The following IRAK2 variants were observed in gnomAD, a reference collection of about 807,000 sequenced individuals.
IRAK2 encodes the protein interleukin-1 receptor-associated kinase-like 2.
A neutral mutation model predicts 72.0 loss-of-function variants in IRAK2; 57 were observed. The ratio of observed to expected loss-of-function variants is 0.79; its 90% CI spans 0.64 to 0.99. IRAK2 has a LOEUF of 0.99. Ranked by LOEUF, IRAK2 falls within the 50% of genes least tolerant of loss-of-function variation. The pLI is 0.00. For missense variants in IRAK2, 790 were observed against 794.4 expected, an observed-to-expected ratio of 0.99 and a Z score of 0.07; for synonymous variants, 293 against 312.7, an observed-to-expected ratio of 0.94 and a Z score of 0.67.
chr3:10,178,153 A>G (rs945266748), intron 2 of IRAK2, 133 bp downstream of exon 2: 3 of 759,084 alleles, frequency 4.0e-6, no homozygotes, highest in Non-Finnish European at 6.2e-6. Flanking sequence ...TGAGTTTACC[A>G]TGCACATAAG....
At chr3:10,212,123 G>C (rs1697531403) in intron 4 of IRAK2, among the ~76,000 whole-genome samples, 1 of 151,294 alleles carries the variant, frequency 6.6e-6, no homozygotes, top group Non-Finnish European at 1.5e-5. Context: ...AAAGAGAGAA[G>C]TTATTAAAAA....
chr3:10,197,821 T>C (rs1187256992), intron 2 of IRAK2, among the ~76,000 whole-genome samples: 23 of 145,914 alleles, frequency 1.6e-4, no homozygotes, highest in African/African-American at 4.6e-4. Flanking sequence ...CACTGCACTC[T>C]AGCCTGGGCG....
At chr3:10,226,332 G>C (rs777493675) in intron 9 of IRAK2, 39 bp from the exon 10 acceptor site, 1 of 1,558,328 alleles carries the variant, frequency 6.4e-7, no homozygotes, top group Non-Finnish European at 8.8e-7. Flanking sequence ...GTGTGCACGA[G>C]CGTCTGAACC....
intron 11 of IRAK2, among the ~76,000 whole-genome samples, chr3:10,236,995 T>A (rs999873695): frequency 1.3e-5 from 2 of 152,238 alleles, no homozygotes; most frequent in South Asian, 4.1e-4. Flanking sequence ...AGATGGCTGC[T>A]GTTGCTCAGG....
chr3:10,197,820 C>G (rs1212243614), intron 2 of IRAK2, among the ~76,000 whole-genome samples: 1 of 148,948 alleles, frequency 6.7e-6, no homozygotes, highest in Non-Finnish European at 1.5e-5. Context: ...CCACTGCACT[C>G]TAGCCTGGGC....
At position 10,222,766 on chromosome 3, in the gene IRAK2, C is replaced by G. The variant is rs1161285626; in HGVS notation, c.1144C>G (p.Leu382Val). Residue 382 changes from leucine (L) to valine (V), a missense_variant, in exon 9 of 13, where the codon CTG (leucine) becomes GTG (valine). Transcript: ENST00000256458. Reference sequence around the variant, plus strand: ...CCTGCTCCGGACGTCAGCCGCGTATCTGCCAGAGGATTTCATCCGGGTGGG... The same window carrying G: ...CCTGCTCCGGACGTCAGCCGCGTATGTGCCAGAGGATTTCATCCGGGTGGG... ...THLLRTSAAYLPEDFIRVGQL... is the reference protein window; with the variant it reads ...THLLRTSAAYVPEDFIRVGQL... 1.2e-6 allele frequency: 2 copies of G among 1,614,134 alleles called. No individual in the cohort carries two copies. Among genetic ancestry groups the G allele is most frequent in the Non-Finnish European group, 1.7e-6 (2 of 1,180,054 alleles).
At chr3:10,170,288 T>C (rs1478123913) in intron 1 of IRAK2, among the ~76,000 whole-genome samples, 1 of 152,228 alleles carries the variant, frequency 6.6e-6, no homozygotes, top group African/African-American at 2.4e-5. Context: ...GGGACCCTGG[T>C]AATTACCTTG....
rs563641337 is a variant in IRAK2, at chr3:10,212,023, T to C, written c.529-1184T>C. Among the ~76,000 whole-genome samples the C allele has an allele frequency of 1.1e-3, 154 of 146,234 alleles. 1 individual carries two copies. Among genetic ancestry groups the C allele is most frequent in the African/African-American group, 3.8e-3 (150 of 39,196 alleles). On this transcript the variant is annotated intron_variant, in intron 4 of 12. Transcript: ENST00000256458. The stretch of plus-strand genomic sequence containing the variant: ...TGAACCTGGGAGGCGGAGCTTGCAG[T>C]GAGCCGAGATCACACCACTGCACTC...
intron 11 of IRAK2, among the ~76,000 whole-genome samples, chr3:10,237,683 T>C (rs886940595): frequency 6.6e-6 from 1 of 151,510 alleles, no homozygotes; most frequent in Non-Finnish European, 1.5e-5. Flanking sequence ...GGCGGGCACC[T>C]GTTGTCCCAG....
intron 9 of IRAK2, among the ~76,000 whole-genome samples, chr3:10,223,439 T>A (rs1203220011): frequency 1.3e-5 from 2 of 152,158 alleles, no homozygotes; most frequent in African/African-American, 4.8e-5. Context: ...GAGCTCATGG[T>A]CTGCATGTAG....
intron 1 of IRAK2, 151 bp downstream of exon 1, chr3:10,165,199 G>A: frequency 1.6e-6 from 1 of 644,030 alleles, no homozygotes; most frequent in Non-Finnish European, 2.6e-6. Flanking sequence ...CGGGTCCGCC[G>A]CGGACCTCGG....
chr3:10,196,102 A>G (rs1011014640), intron 2 of IRAK2, among the ~76,000 whole-genome samples: 9 of 152,156 alleles, frequency 5.9e-5, no homozygotes, highest in African/African-American at 1.9e-4. Context: ...ATTCTGTACA[A>G]GGGACTGGTT....
At chr3:10,235,483 C>A (rs956895772) in intron 11 of IRAK2, among the ~76,000 whole-genome samples, 2 of 152,088 alleles carry the variant, frequency 1.3e-5, no homozygotes, top group Admixed American at 1.3e-4. Context: ...TTTCTAAGGA[C>A]AAACTCTCCA....
At chr3:10,223,670 T>G (rs549347230) in intron 9 of IRAK2, among the ~76,000 whole-genome samples, 6 of 152,360 alleles carry the variant, frequency 3.9e-5, no homozygotes, top group Admixed American at 6.5e-5. Flanking sequence ...TTTCCCAAGC[T>G]CATTTGACTA....
intron 1 of IRAK2, among the ~76,000 whole-genome samples, chr3:10,171,853 C>T (rs1696799207): frequency 6.6e-6 from 1 of 151,082 alleles, no homozygotes; most frequent in Non-Finnish European, 1.5e-5. Flanking sequence ...GCAACCTCGG[C>T]CTCCTGGGTT....
intron 4 of IRAK2, among the ~76,000 whole-genome samples, chr3:10,210,060 C>T (rs7429417): frequency 0.019 from 2,924 of 152,148 alleles, 69 homozygotes; most frequent in East Asian, 0.078. Flanking sequence ...GCTGGGATTA[C>T]AGGTGCATGT....
intron 10 of IRAK2, among the ~76,000 whole-genome samples, chr3:10,234,153 C>T (rs1475049668): frequency 6.6e-6 from 1 of 152,152 alleles, no homozygotes; most frequent in African/African-American, 2.4e-5. Context: ...TGAGCCACTG[C>T]GCCCGGCCCT....
chr3:10,218,691 C>T (rs1697642881), intron 7 of IRAK2, among the ~76,000 whole-genome samples: 1 of 152,158 alleles, frequency 6.6e-6, no homozygotes. Context: ...AAAATAACTG[C>T]TGATTGAGCA....
intron 4 of IRAK2, among the ~76,000 whole-genome samples, chr3:10,212,720 G>T (rs1212513370): frequency 6.6e-6 from 1 of 151,318 alleles, no homozygotes; most frequent in Non-Finnish European, 1.5e-5. Context: ...CACAGAGCAA[G>T]ATACAGATGG....
Sources: allele counts gnomAD v4.1 joint callset (sites outside exome capture counted in the v4.1 genomes callset), GRCh38; gene constraint gnomAD v4.1.1; transcripts MANE v1.5; gene names NCBI Gene and HGNC (gene_info 2026-07-23, HGNC 2026-07-21).